The following RASAL2 variants were observed in gnomAD, a reference collection of about 807,000 sequenced individuals.
RASAL2 encodes the protein RAS protein activator like 2, also known as ras GTPase-activating protein nGAP.
Under a neutral mutation model 128.9 loss-of-function variants are expected in RASAL2, and 58 were observed. The ratio of observed to expected loss-of-function variants is 0.45; its 90% CI spans 0.36 to 0.56. RASAL2 has a LOEUF of 0.56. Ranked by LOEUF, RASAL2 falls within the 20% of genes least tolerant of loss-of-function variation. The probability of loss-of-function intolerance (pLI) is 0.00; values close to 1 mark genes in which losing one functional copy is unlikely to be tolerated. For missense variants in RASAL2, 1,360 were observed against 1,601.6 expected, an observed-to-expected ratio of 0.85 and a Z score of 2.57; for synonymous variants, 561 against 580.8, an observed-to-expected ratio of 0.97 and a Z score of 0.49.
In RASAL2 at chr1:178,229,641, A is replaced by G. The variant is rs556692335; in HGVS notation, c.203-53923A>G. On this transcript the variant is annotated intron_variant, in intron 1 of 17. Coordinates refer to ENST00000367649, the MANE Select transcript of RASAL2 (RefSeq NM_170692.4). ...AATGTCAGTTTGTTCCAGTATTGCCATTTAGTCACTTGCTCATTGATTGAT... is the reference window on the plus strand; with the variant it reads ...AATGTCAGTTTGTTCCAGTATTGCCGTTTAGTCACTTGCTCATTGATTGAT... Among the ~76,000 whole-genome samples the G allele has an allele frequency of 5.3e-5, 8 of 152,216 alleles. No individual in the cohort carries two copies. The East Asian group carries it at 7.7e-4, about 15-fold the overall frequency.
At chr1:178,258,293 CAAAAA>C (rs993642772) in intron 1 of RASAL2, among the ~76,000 whole-genome samples, 1 of 69,404 alleles carries the variant, frequency 1.4e-5, no homozygotes, top group African/African-American at 5.0e-5. Flanking sequence ...GACTGCATCT[CAAAAA>C]AAAAAAAAAA....
intron 3 of RASAL2, among the ~76,000 whole-genome samples, chr1:178,310,422 T>C (rs1333959496): frequency 6.6e-6 from 1 of 152,180 alleles, no homozygotes; most frequent in Non-Finnish European, 1.5e-5. Context: ...ATTTTCCTGA[T>C]TTTCTTTTGG....
chr1:178,356,920 A>T (rs768683942), intron 3 of RASAL2, among the ~76,000 whole-genome samples: 26 of 152,190 alleles, frequency 1.7e-4, no homozygotes, highest in Non-Finnish European at 3.2e-4. Context: ...TATACTTGTT[A>T]TCCTTAAAGG....
rs182739593 is a variant in RASAL2 at position 178,106,716 on chromosome 1, A to T, written c.202+12022A>T. Among the ~76,000 whole-genome samples, 891 of 152,344 alleles carry T rather than the reference A, an allele frequency of 5.8e-3. 5 individuals carry two copies. Among genetic ancestry groups the T allele is most frequent in the Admixed American group, 0.012 (186 of 15,302 alleles). ...ATCATATGGTGATTTCTATTGAAAT[A>T]GAAAGATACCCCAGATACAGTCGAT... is the stretch of plus-strand genomic sequence containing the variant. On this transcript the variant is annotated intron_variant, in intron 1 of 17. Coordinates refer to ENST00000367649, the MANE Select transcript of RASAL2 (RefSeq NM_170692.4).
intron 3 of RASAL2, among the ~76,000 whole-genome samples, chr1:178,370,715 T>C (rs1267495085): frequency 6.6e-6 from 1 of 152,164 alleles, no homozygotes; most frequent in Non-Finnish European, 1.5e-5. Context: ...TAATATTTGA[T>C]GAGCTCCATC....
Position 178,099,047 on chromosome 1 carries a change from A to C in RASAL2, c.202+4353A>C, listed in dbSNP as rs185174321. Among the ~76,000 whole-genome samples, 44 of 152,324 alleles carry C rather than the reference A, an allele frequency of 2.9e-4. No individual in the cohort carries two copies. The East Asian group carries it at 6.6e-3, about 23-fold the overall frequency. On this transcript the variant is annotated intron_variant, in intron 1 of 17. Transcript: ENST00000367649. The stretch of plus-strand genomic sequence containing the variant: ...TACTGCTTACGCCTCACCAATTAAG[A>C]CACAGGATGAGATTTTTAAAAGTTA...
chr1:178,341,441 G>C, intron 3 of RASAL2: 9 of 1,463,544 alleles, frequency 6.1e-6, no homozygotes, highest in Non-Finnish European at 8.1e-6. Context: ...ATTGGCTCTG[G>C]CTTTTCTGCA....
intron 1 of RASAL2, among the ~76,000 whole-genome samples, chr1:178,105,257 T>C (rs1659044398): frequency 6.6e-6 from 1 of 152,158 alleles, no homozygotes; most frequent in African/African-American, 2.4e-5. Flanking sequence ...GAAAAAATAA[T>C]GGCAGGAATA....
At chr1:178,106,056 G>T (rs775804624) in intron 1 of RASAL2, among the ~76,000 whole-genome samples, 1 of 152,164 alleles carries the variant, frequency 6.6e-6, no homozygotes, top group East Asian at 1.9e-4. Flanking sequence ...ACATGAAATC[G>T]CTGTAGATGA....
At chr1:178,268,024 T>G (rs1666058240) in intron 1 of RASAL2, among the ~76,000 whole-genome samples, 2 of 145,572 alleles carry the variant, frequency 1.4e-5, no homozygotes. Context: ...TTGTTTTTTG[T>G]TTTTTTTTTT....
intron 3 of RASAL2, among the ~76,000 whole-genome samples, chr1:178,300,753 T>G (rs533020156): frequency 3.9e-5 from 6 of 152,344 alleles, no homozygotes; most frequent in Non-Finnish European, 7.4e-5. Flanking sequence ...CCAAATGTAT[T>G]CTGTTAAATG....
chr1:178,411,083 A>G (rs1038854535), intron 4 of RASAL2, among the ~76,000 whole-genome samples: 2 of 152,116 alleles, frequency 1.3e-5, no homozygotes, highest in African/African-American at 2.4e-5. Context: ...TAGTAGCACA[A>G]TTCGCAATTG....
At chr1:178,136,059 A>G (rs1396370692) in intron 1 of RASAL2, among the ~76,000 whole-genome samples, 1 of 152,206 alleles carries the variant, frequency 6.6e-6, no homozygotes, top group Non-Finnish European at 1.5e-5. Flanking sequence ...ATAAATAGCT[A>G]TTGTTTTTTA....
chr1:178,119,810 C>T (rs142240030), intron 1 of RASAL2, among the ~76,000 whole-genome samples: 3 of 152,326 alleles, frequency 2.0e-5, no homozygotes, highest in East Asian at 3.9e-4. Context: ...TCCTCTCTAA[C>T]GATTGTGCCT....
At chr1:178,330,911 T>C (rs1669271079) in intron 3 of RASAL2, among the ~76,000 whole-genome samples, 1 of 152,240 alleles carries the variant, frequency 6.6e-6, no homozygotes, top group Non-Finnish European at 1.5e-5. Context: ...TAACAAAATA[T>C]TATGTAGTGG....
intron 3 of RASAL2, among the ~76,000 whole-genome samples, chr1:178,311,927 A>G (rs970799881): frequency 1.3e-5 from 2 of 152,184 alleles, no homozygotes; most frequent in Non-Finnish European, 2.9e-5. Flanking sequence ...ATATCCTCAG[A>G]AAGATAGGAT....
In RASAL2 at chr1:178,283,665, T is replaced by A. The variant is rs755664680; in HGVS notation, c.304T>A (p.Leu102Met). 7 of 1,612,444 alleles carry A rather than the reference T, an allele frequency of 4.3e-6. No individual in the cohort carries two copies. The Admixed American group carries it at 1.2e-4, about 27-fold the overall frequency. ...GTATTGCATCCTCACAGACAGCCAG[T>A]TGGTATTGCTCAACAAGGAGAAGGA... ...RKYCILTDSQ[L>M]VLLNKEKEIP... The change falls in exon 2 of 18, where the codon TTG becomes ATG. Residue 102 changes from leucine (L) to methionine (M), a missense_variant. Transcript: ENST00000367649.
chr1:178,118,867 T>G (rs1288739897), intron 1 of RASAL2, among the ~76,000 whole-genome samples: 4 of 151,734 alleles, frequency 2.6e-5, no homozygotes, highest in Non-Finnish European at 5.9e-5. Flanking sequence ...TTTTTTTTTT[T>G]TTGTTTGTTT....
intron 3 of RASAL2, among the ~76,000 whole-genome samples, chr1:178,372,006 C>T (rs1346542566): frequency 6.6e-6 from 1 of 152,134 alleles, no homozygotes; most frequent in Non-Finnish European, 1.5e-5. Context: ...CCCTTCTCTT[C>T]TCTTATACCA....
Sources: gnomAD v4.1 joint callset for allele counts (sites outside exome capture counted in the v4.1 genomes callset) on GRCh38, gnomAD v4.1.1 for gene constraint, MANE v1.5 for transcripts, NCBI Gene and HGNC (gene_info 2026-07-23, HGNC 2026-07-21) for gene names.